Variants in FKBP10 observed in about 807,000 individuals in gnomAD.
FKBP10 encodes the protein FKBP prolyl isomerase 10, also known as peptidyl-prolyl cis-trans isomerase FKBP10.
FKBP10 carries 34 observed loss-of-function variants against 53.7 expected under a neutral mutation model. The ratio of observed to expected loss-of-function variants is 0.63; its 90% confidence interval spans 0.48 to 0.84. The LOEUF (loss-of-function observed/expected upper bound fraction) is 0.84. FKBP10 is among the 40% of genes least tolerant of loss of function. The pLI is 0.00. For missense variants in FKBP10, 748 were observed against 797.8 expected, an observed-to-expected ratio of 0.94 and a Z score of 0.75; for synonymous variants, 324 against 335.7, an observed-to-expected ratio of 0.97 and a Z score of 0.38.
At chr17:41,815,317 C>T (rs2047801276) in intron 1 of FKBP10, among the ~76,000 whole-genome samples, 1 of 152,088 alleles carries the variant, frequency 6.6e-6, no homozygotes, top group African/African-American at 2.4e-5. Flanking sequence ...CCACGGCGCC[C>T]AGCCTTAATT....
chr17:41,821,231 T>C, intron 8 of FKBP10, 142 bp downstream of exon 8: 2 of 1,128,852 alleles, frequency 1.8e-6, no homozygotes, highest in Non-Finnish European at 2.4e-6. Context: ...CAAGTGATTC[T>C]CCTGCCTCAG....
chr17:41,818,213 G>A lies in FKBP10; in HGVS notation c.516G>A (p.Gln172=), dbSNP rs562499038. Residue 172 remains glutamine (Q), a synonymous_variant, in exon 3 of 10, where the codon CAG becomes CAA. Transcript: ENST00000321562. ...LRPPHCPRMV[Q]DGDFVRYHYN... Reference sequence around the variant, plus strand: ...CGCCCCACTGCCCCCGCATGGTCCAGGACGGCGACTTTGTCCGCTACCACT... The same window carrying A: ...CGCCCCACTGCCCCCGCATGGTCCAAGACGGCGACTTTGTCCGCTACCACT... 41 of 1,613,570 alleles carry A rather than the reference G, an allele frequency of 2.5e-5. No individual in the cohort carries two copies. In the East Asian group the frequency reaches 9.1e-4, roughly 36 times the overall value.
chr17:41,815,176 T>G (rs940816507), intron 1 of FKBP10, among the ~76,000 whole-genome samples: 4 of 152,224 alleles, frequency 2.6e-5, no homozygotes, highest in African/African-American at 7.2e-5. Context: ...GACAGCCAGC[T>G]GGACCTGGGG....
intron 6 of FKBP10, chr17:41,819,980 A>AGT (rs1555616757): frequency 6.6e-7 from 1 of 1,524,804 alleles, no homozygotes; most frequent in Non-Finnish European, 8.8e-7. Context: ...TGGGAGCCTC[A>AGT]GTGTCCTCAC....
In FKBP10 at chr17:41,821,067, C is replaced by T. The variant is rs782336623; in HGVS notation, c.1377C>T (p.His459=). The T allele has an allele frequency of 7.0e-6, 11 of 1,575,978 alleles. No homozygotes were observed. The Admixed American group carries it at 1.3e-4, about 19-fold the overall frequency. The change falls in exon 8 of 10, where the codon CAC becomes CAT. Residue 459 remains histidine, a synonymous_variant. Coordinates refer to ENST00000321562, the MANE Select transcript of FKBP10 (RefSeq NM_021939.4). ...GERRQLIVPP[H]LAHGESGARG... ...GGCGGCAGCTCATCGTGCCCCCGCA[C>T]CTGGCCCACGGGGAGAGTGGAGGTG...
At chr17:41,821,623 A>G in intron 8 of FKBP10, 31 bp from the exon 9 acceptor site, 1 of 1,612,284 alleles carries the variant, frequency 6.2e-7, no homozygotes, top group Non-Finnish European at 8.5e-7. Flanking sequence ...CCTGACTAGG[A>G]CCCCTCCCTT....
rs958985030 is a variant in FKBP10 at position 41,815,332 on chromosome 17, A to G, written c.246-1726A>G. Among the ~76,000 whole-genome samples, 3 of 150,954 alleles carry G rather than the reference A, an allele frequency of 2.0e-5. 1 individual carries two copies. The South Asian group carries it at 6.3e-4, about 32-fold the overall frequency. On this transcript the variant is annotated intron_variant, in intron 1 of 9. Transcript: ENST00000321562. ...CCACGGCGCCCAGCCTTAATTTTTC[A>G]TATTTTAGTAGAGATGGCGTTTCAC... is the stretch of plus-strand genomic sequence containing the variant.
Position 41,818,232 on chromosome 17 carries a change from T to C in FKBP10, c.535T>C (p.Tyr179His), listed in dbSNP as rs1407787958. Residue 179 changes from tyrosine (Y) to histidine (H), a missense_variant, in exon 3 of 10, where the codon TAC (tyrosine) becomes CAC (histidine). Physicochemically the swap from Tyr to His is moderately conservative, Grantham distance 83 (BLOSUM62 2). Transcript: ENST00000321562. ...GGTCCAGGACGGCGACTTTGTCCGC[T>C]ACCACTACAATGGCACCCTGCTGGA... ...RMVQDGDFVR[Y>H]HYNGTLLDGT... is the part of the protein sequence containing the mutation. 9 of 1,613,472 alleles carry C rather than the reference T, an allele frequency of 5.6e-6. No homozygotes were observed. The highest frequency in any genetic ancestry group is 2.2e-5 in the East Asian group (1 of 44,896).
chr17:41,819,455 G>T, intron 5 of FKBP10, 56 bp downstream of exon 5: 1 of 1,613,784 alleles, frequency 6.2e-7, no homozygotes, highest in Non-Finnish European at 8.5e-7. Flanking sequence ...GGACGAAGCT[G>T]GGGGTCACTC....
Position 41,819,684 on chromosome 17 carries a change from G to T in FKBP10, c.1063+9G>T, listed in dbSNP as rs782072228. On this transcript the variant is annotated intron_variant, in intron 6 of 9. Coordinates refer to ENST00000321562, the MANE Select transcript of FKBP10 (RefSeq NM_021939.4). ...TGGGGAGAATGGAACTGGTAGGGGC[G>T]TTCCCCAGCCACCACCTCAGCTCCT... The T allele has an allele frequency of 3.1e-6, 5 of 1,591,292 alleles. No individual in the cohort carries two copies. Among genetic ancestry groups the T allele is most frequent in the Non-Finnish European group, 8.6e-7 (1 of 1,169,536 alleles).
rs1555616742 is a variant in FKBP10 at position 41,819,938 on chromosome 17, A to T, written c.1063+263A>T. ...GGAGGGAGGGTGGTTATGGAAAAAC[A>T]GAACCAGCATACCCCCAGGACCCAG... On this transcript the variant is annotated intron_variant, in intron 6 of 9. Coordinates refer to ENST00000321562, the MANE Select transcript of FKBP10 (RefSeq NM_021939.4). The T allele has an allele frequency of 2.0e-6, 3 of 1,535,166 alleles. No homozygotes were observed. In the African/African-American group the frequency reaches 4.1e-5, roughly 21 times the overall value.
In FKBP10 at chr17:41,822,442, AGGCC is replaced by A. The variant is rs781933418; in HGVS notation, c.*35_*38del. 2.5e-6 allele frequency: 4 copies of A among 1,573,692 alleles called. No homozygotes were observed. The Admixed American group carries it at 7.5e-5, about 29-fold the overall frequency. ...GAGCCTGGCCAGGCCTGAGACACAG[AGGCC>A]CACTGCGAGGGGGACAGTGGCGGTG... On this transcript the variant is annotated 3_prime_UTR_variant, in exon 10 of 10. Transcript: ENST00000321562.
Position 41,821,748 on chromosome 17 carries a change from C to T in FKBP10, c.1494C>T (p.His498=). ...GLPTGYLFVW[H]KDPPANLFED... ...CCACAGGCTACCTGTTTGTGTGGCA[C>T]AAGGACCCTCCTGCCAACCTGTTTG... The change falls in exon 9 of 10, where the codon CAC becomes CAT. Residue 498 remains histidine (H), a synonymous_variant. Transcript: ENST00000321562. 1 of 1,614,170 alleles carries T rather than the reference C, an allele frequency of 6.2e-7. No homozygotes were observed. Among genetic ancestry groups the T allele is most frequent in the Non-Finnish European group, 8.5e-7 (1 of 1,180,020 alleles).
At position 41,813,294 on chromosome 17, in the gene FKBP10, G is replaced by A. The variant is rs376682954; in HGVS notation, c.245+15G>A. Reference sequence around the variant, plus strand: ...TTTGATTCAAGGTAACCCCGGTTGGGCGCCCCCGGATTCACCACTCCGTCC... The same window carrying A: ...TTTGATTCAAGGTAACCCCGGTTGGACGCCCCCGGATTCACCACTCCGTCC... On this transcript the variant is annotated intron_variant, in intron 1 of 9. Transcript: ENST00000321562. The A allele has an allele frequency of 1.2e-6, 2 of 1,613,178 alleles. No homozygotes were observed. Among genetic ancestry groups the A allele is most frequent in the East Asian group, 2.2e-5 (1 of 44,864 alleles).
rs1555616586 is a variant in FKBP10, at chr17:41,819,348, T to A, written c.866T>A (p.Met289Lys). The change falls in exon 5 of 10, where the codon ATG becomes AAG. Residue 289 changes from methionine to lysine, a missense_variant. Transcript: ENST00000321562. ...CVRRAGAGDF[M>K]RYHYNGSLMD... Reference sequence around the variant, plus strand: ...CGCAGAGCCGGGGCCGGGGACTTCATGCGCTACCACTACAATGGCTCCTTG... The same window carrying A: ...CGCAGAGCCGGGGCCGGGGACTTCAAGCGCTACCACTACAATGGCTCCTTG... 6.2e-7 allele frequency: 1 copy of A among 1,612,164 alleles called. No homozygotes were observed. The highest frequency in any genetic ancestry group is 1.7e-5 in the Admixed American group (1 of 59,912).
Position 41,820,984 on chromosome 17 carries a change from G to C in FKBP10, c.1294G>C (p.Ala432Pro). 6.2e-7 allele frequency: 1 copy of C among 1,611,864 alleles called. No homozygotes were observed. The highest frequency in any genetic ancestry group is 8.5e-7 in the Non-Finnish European group (1 of 1,179,340). ...YGAPQEATLG[A>P]NKVIEGLDTG... ...GGCCCCCCAGGAGGCGACTCTCGGGGCCAACAAGGTGATCGAAGGCCTGGA... is the reference window on the plus strand; with the variant it reads ...GGCCCCCCAGGAGGCGACTCTCGGGCCCAACAAGGTGATCGAAGGCCTGGA... The change falls in exon 8 of 10, where the codon GCC (alanine) becomes CCC (proline). Residue 432 changes from alanine (A) to proline (P), a missense_variant. Transcript: ENST00000321562.
At position 41,820,115 on chromosome 17, in the gene FKBP10, T is replaced by C. The variant is rs1048048778; in HGVS notation, c.1064-154T>C. 6 of 1,216,168 alleles carry C rather than the reference T, an allele frequency of 4.9e-6. No homozygotes were observed. In the African/African-American group the frequency reaches 9.1e-5, roughly 18 times the overall value. The allele number at this position is 1,216,168 out of a possible 1,614,324, so 75.3% of individuals were successfully genotyped here. A position where few individuals can be genotyped will look rare whatever the true frequency, so the allele number is the denominator to read the frequency against. On this transcript the variant is annotated intron_variant, in intron 6 of 9. Coordinates refer to ENST00000321562, the MANE Select transcript of FKBP10 (RefSeq NM_021939.4). ...CCTGCCCCCTGCCCCAGTGAAAGTT[T>C]GTTAGAATTGACTCTGGACAAACAT...
intron 6 of FKBP10, chr17:41,820,006 G>A (rs782743057): frequency 2.7e-6 from 4 of 1,507,354 alleles, no homozygotes; most frequent in African/African-American, 2.8e-5. Context: ...AAGTGGGCAA[G>A]CCATGCTGAT....
rs782670082 is a variant in FKBP10 at position 41,819,625 on chromosome 17, G to A, written c.1013G>A (p.Arg338His). The part of the protein sequence containing the change: ...QGLQGACMGE[R>H]RRITIPPHLA... Reference sequence around the variant, plus strand: ...CTGCAGGGTGCCTGCATGGGGGAACGCCGGAGAATTACCATCCCCCCGCAC... The same window carrying A: ...CTGCAGGGTGCCTGCATGGGGGAACACCGGAGAATTACCATCCCCCCGCAC... The change falls in exon 6 of 10, where the codon CGC (arginine) becomes CAC (histidine). Residue 338 changes from arginine (R) to histidine (H), a missense_variant. Transcript: ENST00000321562. 6 of 1,612,840 alleles carry A rather than the reference G, an allele frequency of 3.7e-6. No individual in the cohort carries two copies. The highest frequency in any genetic ancestry group is 3.3e-5 in the Admixed American group (2 of 59,854).
Sources: allele counts gnomAD v4.1 joint callset (sites outside exome capture counted in the v4.1 genomes callset), GRCh38; gene constraint gnomAD v4.1.1; transcripts MANE v1.5; gene names NCBI Gene and HGNC (gene_info 2026-07-23, HGNC 2026-07-21).